PTP4A1: variants seen among roughly 807,000 people sequenced by gnomAD.
The protein encoded by PTP4A1 is protein tyrosine phosphatase type IVA 1.
PTP4A1 carries 9 observed loss-of-function variants against 20.5 expected under a neutral mutation model. The ratio of observed to expected loss-of-function variants is 0.44; its 90% CI spans 0.26 to 0.77. The LOEUF is 0.77. Ranked by LOEUF, PTP4A1 falls within the 30% of genes least tolerant of loss-of-function variation. The pLI is 0.19. For missense variants in PTP4A1, 137 were observed against 218.8 expected, an observed-to-expected ratio of 0.63 and a Z score of 2.36; for synonymous variants, 78 against 67.4, an observed-to-expected ratio of 1.16 and a Z score of -0.77.
chr6:63,549,406 C>T (rs771195376), intron 2 of PTP4A1: 21 of 752,050 alleles, frequency 2.8e-5, no homozygotes, highest in Non-Finnish European at 4.6e-5. Flanking sequence ...ATTCTTAGGC[C>T]GTTTCTCAAA....
intron 2 of PTP4A1, among the ~76,000 whole-genome samples, chr6:63,542,308 A>G (rs753139614): frequency 2.7e-4 from 41 of 152,158 alleles, no homozygotes; most frequent in Non-Finnish European, 5.9e-4. Flanking sequence ...ATGAAAGACT[A>G]CAAATTGAGT....
intron 1 of PTP4A1, among the ~76,000 whole-genome samples, chr6:63,523,794 T>A (rs1401280081): frequency 1.3e-5 from 2 of 152,050 alleles, no homozygotes; most frequent in Non-Finnish European, 2.9e-5. Flanking sequence ...CCCAGACAAT[T>A]CTTCTTTCAG....
intron 3 of PTP4A1, among the ~76,000 whole-genome samples, chr6:63,550,641 T>C (rs889354651): frequency 1.3e-5 from 2 of 152,150 alleles, no homozygotes; most frequent in Admixed American, 6.6e-5. Context: ...GGTTTTTGAA[T>C]TGAGACAGGG....
At chr6:63,576,199 G>T (rs1777856780) in intron 1 of PTP4A1, among the ~76,000 whole-genome samples, 1 of 150,672 alleles carries the variant, frequency 6.6e-6, no homozygotes. Context: ...TTTTTTCTGA[G>T]GAATCTTGGT....
chr6:63,540,853 A>C (rs1284286822), intron 2 of PTP4A1, among the ~76,000 whole-genome samples: 1 of 151,462 alleles, frequency 6.6e-6, no homozygotes, highest in Non-Finnish European at 1.5e-5. Flanking sequence ...AAAAAAAAAA[A>C]ATAGCCGGTC....
At chr6:63,557,859 C>T (rs1377926969) in intron 3 of PTP4A1, among the ~76,000 whole-genome samples, 1 of 151,754 alleles carries the variant, frequency 6.6e-6, no homozygotes, top group East Asian at 1.9e-4. Flanking sequence ...ATAGCAAGAT[C>T]AGATATGCAT....
At chr6:63,549,124 G>A (rs903643147) in intron 2 of PTP4A1, 4 of 691,180 alleles carry the variant, frequency 5.8e-6, no homozygotes, top group Admixed American at 4.3e-5. Flanking sequence ...CTCTTAGTGG[G>A]GATGCCCCCT....
intron 2 of PTP4A1, among the ~76,000 whole-genome samples, chr6:63,529,572 T>G (rs1775363967): frequency 6.6e-6 from 1 of 152,162 alleles, no homozygotes; most frequent in African/African-American, 2.4e-5. Flanking sequence ...TCTTTCCTTT[T>G]GTAGAGGAGG....
At chr6:63,532,643 A>C (rs930893779) in intron 2 of PTP4A1, among the ~76,000 whole-genome samples, 1 of 152,200 alleles carries the variant, frequency 6.6e-6, no homozygotes, top group Non-Finnish European at 1.5e-5. Context: ...ACAGCTTTCA[A>C]CCGAAGAGCA....
Position 63,572,590 on chromosome 6 carries a change from G to A in PTP4A1, c.-575G>A, listed in dbSNP as rs1316604853. 9.6e-6 allele frequency: 4 copies of A among 415,830 alleles called. No individual in the cohort carries two copies. The highest frequency in any genetic ancestry group is 4.4e-5 in the Admixed American group (1 of 22,802). 25.8% of individuals were successfully genotyped at this position (415,830 alleles called of 1,614,324 possible). A position where few individuals can be genotyped will look rare whatever the true frequency, so the allele number is the denominator to read the frequency against. On this transcript the variant is annotated 5_prime_UTR_variant, in exon 1 of 6. Coordinates refer to ENST00000626021, the MANE Select transcript of PTP4A1 (RefSeq NM_003463.5). ...TGGTGCCCCCGCCGCCGCCTGCATCGCCGCCACCGCCGCTCCGCCACGACC... is the reference window on the plus strand; with the variant it reads ...TGGTGCCCCCGCCGCCGCCTGCATCACCGCCACCGCCGCTCCGCCACGACC...
exon 3 of PTP4A1, chr6:63,550,336 G>A (rs1776381967): frequency 6.6e-6 from 1 of 152,160 alleles, no homozygotes; most frequent in African/African-American, 2.4e-5. Context: ...GAGTATAAAA[G>A]GAGTTGTGAG....
At chr6:63,527,946 A>G (rs1348934199) in exon 2 of PTP4A1, 1 of 152,194 alleles carries the variant, frequency 6.6e-6, no homozygotes, top group African/African-American at 2.4e-5. Context: ...TTTCTGTTGG[A>G]TTTAGAAAAG....
upstream of PTP4A1, among the ~76,000 whole-genome samples, chr6:63,519,958 T>G (rs891565225): frequency 2.0e-5 from 3 of 152,228 alleles, no homozygotes; most frequent in African/African-American, 4.8e-5. Context: ...CAGTAGATAA[T>G]AATTTTTACC....
In PTP4A1 at chr6:63,580,186, C is replaced by A. The variant is rs1180193368; in HGVS notation, c.*12C>A. ...GTTGCATTCAATAAAATTGGGGTGC[C>A]TAATGCTACTGGAAGTGGAACTTGA... On this transcript the variant is annotated 3_prime_UTR_variant, in exon 6 of 6. Coordinates refer to ENST00000626021, the MANE Select transcript of PTP4A1 (RefSeq NM_003463.5). 1.7e-5 allele frequency: 27 copies of A among 1,571,926 alleles called. No homozygotes were observed. Among genetic ancestry groups the A allele is most frequent in the Non-Finnish European group, 2.3e-5 (26 of 1,143,044 alleles).
chr6:63,542,064 T>C (rs1200304357), intron 2 of PTP4A1, among the ~76,000 whole-genome samples: 1 of 147,184 alleles, frequency 6.8e-6, no homozygotes, highest in Non-Finnish European at 1.5e-5. Flanking sequence ...TGTGTGTGTA[T>C]ACATACACAA....
At chr6:63,578,276 CAA>C (rs1778001955) in intron 2 of PTP4A1, among the ~76,000 whole-genome samples, 159 bp from the exon 3 acceptor site, 1 of 152,226 alleles carries the variant, frequency 6.6e-6, no homozygotes, top group African/African-American at 2.4e-5. Flanking sequence ...TCACTTAAAA[CAA>C]AATTTGCTTT....
chr6:63,568,352 C>T (rs1251746478), upstream of PTP4A1, among the ~76,000 whole-genome samples: 2 of 152,202 alleles, frequency 1.3e-5, no homozygotes, highest in East Asian at 3.8e-4. Context: ...GGCCTAATTT[C>T]AGTATTGCTG....
intron 3 of PTP4A1, among the ~76,000 whole-genome samples, chr6:63,561,396 A>G (rs114536102): frequency 0.017 from 2,543 of 152,302 alleles, 27 homozygotes; most frequent in Non-Finnish European, 0.026. Context: ...ATAATAAGGT[A>G]TATTTCTACA....
At position 63,580,807 on chromosome 6, in the gene PTP4A1, A is replaced by G. The variant is rs1778182447; in HGVS notation, c.*633A>G. 1 of 152,392 alleles carries G rather than the reference A, an allele frequency of 6.6e-6. No individual in the cohort carries two copies. Among genetic ancestry groups the G allele is most frequent in the Admixed American group, 6.6e-5 (1 of 15,240 alleles). 9.4% of individuals were successfully genotyped at this position (152,392 alleles called of 1,614,324 possible). ...ATCTCACTTTGTGCTGTATTAAAAA[A>G]ACCTCCATTTTGAAAATCTACGTTG... On this transcript the variant is annotated 3_prime_UTR_variant, in exon 6 of 6. Transcript: ENST00000626021.
Sources: allele counts gnomAD v4.1 joint callset (sites outside exome capture counted in the v4.1 genomes callset), GRCh38; gene constraint gnomAD v4.1.1; transcripts MANE v1.5; gene names NCBI Gene and HGNC (gene_info 2026-07-23, HGNC 2026-07-21).